Variants in UVSSA observed in about 807,000 individuals in gnomAD.
UVSSA encodes the protein UV-stimulated scaffold protein A.
Under a neutral mutation model 73.9 loss-of-function variants are expected in UVSSA, and 72 were observed. That is an observed-to-expected ratio of 0.97 (90% CI 0.81 to 1.19). The LOEUF (loss-of-function observed/expected upper bound fraction) is 1.19, where lower values mean the gene tolerates loss of function less well. UVSSA is among the 50% of genes most tolerant of loss of function. The probability of loss-of-function intolerance (pLI) is 0.00; values close to 1 mark genes in which losing one functional copy is unlikely to be tolerated. For missense variants in UVSSA, 1,150 were observed against 965.0 expected, an observed-to-expected ratio of 1.19 and a Z score of -2.54; for synonymous variants, 454 against 391.3, an observed-to-expected ratio of 1.16 and a Z score of -1.89.
exon 14 of UVSSA, chr4:1,395,915 T>C: frequency 6.4e-7 from 1 of 1,572,562 alleles, no homozygotes; most frequent in Non-Finnish European, 8.6e-7. Flanking sequence ...CAGGACTGAT[T>C]TGTTAGCCTG....
intron 7 of UVSSA, among the ~76,000 whole-genome samples, chr4:1,365,836 C>T (rs1717237903): frequency 6.6e-6 from 1 of 151,098 alleles, no homozygotes; most frequent in Non-Finnish European, 1.5e-5. Flanking sequence ...CGCACCTGCT[C>T]CACCTGGTGG....
intron 13 of UVSSA, 190 bp from the exon 14 acceptor site, chr4:1,385,674 CCTGT>C (rs1160060630): frequency 2.4e-5 from 15 of 612,688 alleles, no homozygotes; most frequent in Non-Finnish European, 4.0e-5. Context: ...CCTTTCTAAG[CCTGT>C]CTGTCTCGGG....
exon 14 of UVSSA, chr4:1,393,252 T>A (rs1720446276): frequency 6.6e-6 from 1 of 152,268 alleles, no homozygotes; most frequent in Non-Finnish European, 1.5e-5. Flanking sequence ...ATTGTACTTT[T>A]CTACTCCAAA....
chr4:1,365,256 C>T (rs866212560), intron 7 of UVSSA, among the ~76,000 whole-genome samples: 12 of 152,330 alleles, frequency 7.9e-5, no homozygotes, highest in East Asian at 5.8e-4. Context: ...CTGTTATGCC[C>T]GCAAGACAGC....
At chr4:1,391,414 T>C (rs962478553), downstream of UVSSA, 1 of 152,280 alleles carries the variant, frequency 6.6e-6, no homozygotes, top group Non-Finnish European at 1.5e-5. Context: ...ATATTGATAT[T>C]GAATGTGAGG....
rs1019222749 is a variant in UVSSA, at chr4:1,388,011, A to G, written c.*2050A>G. 1 of 150,592 alleles carries G rather than the reference A, an allele frequency of 6.6e-6. No individual in the cohort carries two copies. Among genetic ancestry groups the G allele is most frequent in the African/African-American group, 2.4e-5 (1 of 41,058 alleles). The allele number at this position is 150,592 out of a possible 1,614,324, so 9.3% of individuals were successfully genotyped here. A position where few individuals can be genotyped will look rare whatever the true frequency, so the allele number is the denominator to read the frequency against. ...CATTAAATCTAGAGATTGCTTTGGAATGTATTACCGTCTTAATATTAAATC... is the reference window on the plus strand; with the variant it reads ...CATTAAATCTAGAGATTGCTTTGGAGTGTATTACCGTCTTAATATTAAATC... On this transcript the variant is annotated 3_prime_UTR_variant, in exon 14 of 14. Transcript: ENST00000389851.
chr4:1,342,698 C>T (rs764233940), upstream of UVSSA, among the ~76,000 whole-genome samples: 17 of 152,200 alleles, frequency 1.1e-4, no homozygotes, highest in Admixed American at 2.0e-4. Flanking sequence ...CCCACCATCC[C>T]ATATGTTTAC....
At chr4:1,346,070 A>T (rs1713645945), upstream of UVSSA, among the ~76,000 whole-genome samples, 1 of 152,140 alleles carries the variant, frequency 6.6e-6, no homozygotes, top group Non-Finnish European at 1.5e-5. Context: ...GCAAGCTAGG[A>T]GCTGGGAGCC....
intron 10 of UVSSA, 131 bp from the exon 11 acceptor site, chr4:1,379,915 CT>C: frequency 9.6e-7 from 1 of 1,040,476 alleles, no homozygotes; most frequent in East Asian, 2.7e-5. Flanking sequence ...CGTGTTCTCC[CT>C]GGGTGCTGTC....
intron 12 of UVSSA, 78 bp downstream of exon 12, chr4:1,381,066 A>G (rs1719441164): frequency 7.5e-7 from 1 of 1,333,468 alleles, no homozygotes. Context: ...GTGTGTCTGC[A>G]GAGTCACAGA....
chr4:1,375,054 C>T, intron 8 of UVSSA: 1 of 355,790 alleles, frequency 2.8e-6, no homozygotes, highest in Non-Finnish European at 5.2e-6. Flanking sequence ...CAGCTTCTTT[C>T]CAGCCTGGCG....
intron 7 of UVSSA, among the ~76,000 whole-genome samples, chr4:1,361,530 G>A (rs572223735): frequency 2.0e-5 from 3 of 152,274 alleles, no homozygotes; most frequent in African/African-American, 7.2e-5. Flanking sequence ...AGCAGGTTCT[G>A]CTCGGCCCCG....
intron 5 of UVSSA, among the ~76,000 whole-genome samples, chr4:1,353,702 G>T (rs541902777): frequency 9.1e-4 from 139 of 152,320 alleles, no homozygotes; most frequent in Non-Finnish European, 1.7e-3. Flanking sequence ...GTGAGGTGGG[G>T]TCGTGAGGCT....
At chr4:1,370,478 C>G (rs1368631336) in intron 8 of UVSSA, among the ~76,000 whole-genome samples, 1 of 152,256 alleles carries the variant, frequency 6.6e-6, no homozygotes, top group Non-Finnish European at 1.5e-5. Flanking sequence ...CTCACACCCT[C>G]CGCTTTCAGC....
chr4:1,366,158 T>G (rs1717293694), intron 7 of UVSSA, 162 bp from the exon 8 acceptor site: 1 of 623,150 alleles, frequency 1.6e-6, no homozygotes, highest in Admixed American at 2.8e-5. Context: ...AAGAACAGCC[T>G]TGGAGACGAT....
chr4:1,378,291 G>A (rs1039501394), intron 10 of UVSSA, among the ~76,000 whole-genome samples: 5 of 152,210 alleles, frequency 3.3e-5, no homozygotes, highest in Non-Finnish European at 5.9e-5. Flanking sequence ...AGTGGCTCAC[G>A]CCTGTAATCC....
Position 1,349,865 on chromosome 4 carries a change from C to G in UVSSA, c.429+11C>G, listed in dbSNP as rs1217960254. On this transcript the variant is annotated intron_variant, in intron 3 of 13. Coordinates refer to ENST00000389851, the MANE Select transcript of UVSSA (RefSeq NM_020894.4). The stretch of plus-strand genomic sequence containing the variant: ...AGACACAACAAAAAGGTAGGTGGGC[C>G]TGGCCCATTTTTTCAGAGACTGGTT... 10 of 1,521,520 alleles carry G rather than the reference C, an allele frequency of 6.6e-6. No individual in the cohort carries two copies. Among genetic ancestry groups the G allele is most frequent in the Non-Finnish European group, 7.9e-6 (9 of 1,136,358 alleles). The allele number at this position is 1,521,520 out of a possible 1,614,324, so 94.3% of individuals were successfully genotyped here.
chr4:1,372,861 TGCACTCACCTCCCGCGTCTCAGG>T (rs1272080623), intron 8 of UVSSA, among the ~76,000 whole-genome samples: 1 of 31,392 alleles, frequency 3.2e-5, no homozygotes, highest in African/African-American at 5.2e-5. Context: ...CCCGCGTCCC[TGCACTCACCTCCCGCGTCTCAGG>T]GCACTCACCT....
At position 1,386,691 on chromosome 4, in the gene UVSSA, A is replaced by AT. The variant is rs1431003968; in HGVS notation, c.*731dup. 6.6e-6 allele frequency: 1 copy of AT among 150,804 alleles called. No homozygotes were observed. Among genetic ancestry groups the AT allele is most frequent in the African/African-American group, 2.5e-5 (1 of 40,724 alleles). 9.3% of individuals were successfully genotyped at this position (150,804 alleles called of 1,614,324 possible). On this transcript the variant is annotated 3_prime_UTR_variant, in exon 14 of 14. Transcript: ENST00000389851. ...AAACCTCTTGCCTATTTTTAATTGA[A>AT]TGATTTATCTTGAGTTGTAACAGTT...
Sources: gnomAD v4.1 joint callset for allele counts (sites outside exome capture counted in the v4.1 genomes callset) on GRCh38, gnomAD v4.1.1 for gene constraint, MANE v1.5 for transcripts, NCBI Gene and HGNC (gene_info 2026-07-23, HGNC 2026-07-21) for gene names.